The following IMPG1 variants were observed in gnomAD, a reference collection of about 807,000 sequenced individuals.
The protein encoded by IMPG1 is interphotoreceptor matrix proteoglycan 1, also known as interphotoreceptor matrix proteoglycan of 150 kDa.
IMPG1 carries 85 observed loss-of-function variants against 92.0 expected under a neutral mutation model. The ratio of observed to expected loss-of-function variants is 0.92; its 90% CI spans 0.78 to 1.11. IMPG1 has a LOEUF of 1.11. Among genes scored for constraint, IMPG1 ranks in the 50% least tolerant of loss-of-function variants. IMPG1 has a pLI of 0.00. For synonymous variants in IMPG1, 367 were observed against 334.1 expected (o/e 1.10, Z -1.08); for missense variants, 1,022 against 956.0 (o/e 1.07, Z -0.91).
At chr6:75,992,390 T>G (rs922431826) in intron 12 of IMPG1, among the ~76,000 whole-genome samples, 1 of 152,250 alleles carries the variant, frequency 6.6e-6, no homozygotes, top group African/African-American at 2.4e-5. Flanking sequence ...TTTGGTGTCT[T>G]GTGTATAACA....
At chr6:75,937,587 A>G (rs1476317406) in intron 14 of IMPG1, among the ~76,000 whole-genome samples, 1 of 152,216 alleles carries the variant, frequency 6.6e-6, no homozygotes, top group Non-Finnish European at 1.5e-5. Flanking sequence ...GTGGGGGGAA[A>G]TAATATCTAC....
At chr6:76,053,049 G>A (rs1052240361) in intron 1 of IMPG1, among the ~76,000 whole-genome samples, 2 of 152,092 alleles carry the variant, frequency 1.3e-5, no homozygotes, top group African/African-American at 4.8e-5. Flanking sequence ...GGCTGATTAA[G>A]CCACTCCTAA....
rs1283034743 is a variant in IMPG1 at position 75,931,056 on chromosome 6, G to T, written c.2140C>A (p.Pro714Thr). 6.2e-7 allele frequency: 1 copy of T among 1,614,006 alleles called. No homozygotes were observed. Among genetic ancestry groups the T allele is most frequent in the Non-Finnish European group, 8.5e-7 (1 of 1,180,038 alleles). Residue 714 changes from proline to threonine, a missense_variant, in exon 15 of 17, where the codon CCA becomes ACA. This residue lies in a region of IMPG1 where 332 missense variants were observed against 346.2 expected (regional missense o/e 0.96). Transcript: ENST00000369950. ...RTEEAECRCK[P>T]GYDSQGSLDG... The stretch of plus-strand genomic sequence containing the variant: ...AGGCTCCCCTGGCTGTCATATCCTG[G>T]TTTGCAGCGACACTCCGCTTCCTCA...
chr6:75,952,516 G>A (rs1782049822), intron 12 of IMPG1, among the ~76,000 whole-genome samples: 1 of 152,026 alleles, frequency 6.6e-6, no homozygotes, highest in South Asian at 2.1e-4. Flanking sequence ...ACCTGGGGAG[G>A]GTACCTGCGT....
At chr6:75,975,369 T>G (rs537051724) in intron 12 of IMPG1, among the ~76,000 whole-genome samples, 1 of 152,368 alleles carries the variant, frequency 6.6e-6, no homozygotes, top group East Asian at 1.9e-4. Context: ...ATTAATGTAG[T>G]TTAGTTTGTC....
Position 76,041,995 on chromosome 6 carries a change from G to T in IMPG1, c.199C>A (p.Arg67=). ...GGGAAAAATGCGGATCTTTTTGTTCGATGCTTTGCCAAATCGAATATTCGT... is the reference window on the plus strand; with the variant it reads ...GGGAAAAATGCGGATCTTTTTGTTCTATGCTTTGCCAAATCGAATATTCGT... The part of the protein sequence containing the change: ...MRRIFDLAKH[R]TKRSAFFPTG... Residue 67 remains arginine (R), a synonymous_variant, in exon 2 of 17, where the codon CGA becomes AGA. Transcript: ENST00000369950. The T allele has an allele frequency of 2.5e-6, 4 of 1,613,758 alleles. No homozygotes were observed. The highest frequency in any genetic ancestry group is 3.4e-6 in the Non-Finnish European group (4 of 1,179,726).
intron 12 of IMPG1, among the ~76,000 whole-genome samples, chr6:75,973,696 C>G (rs1782458721): frequency 6.6e-6 from 1 of 152,210 alleles, no homozygotes; most frequent in African/African-American, 2.4e-5. Context: ...CCAGAATTTA[C>G]TTCACTACAC....
At chr6:75,986,844 A>T (rs1458711232) in intron 12 of IMPG1, among the ~76,000 whole-genome samples, 1 of 151,396 alleles carries the variant, frequency 6.6e-6, no homozygotes, top group African/African-American at 2.4e-5. Context: ...AAACAAATAA[A>T]ACAGGCAGTC....
In IMPG1 at chr6:75,933,538, C is replaced by A. The variant is rs185749076; in HGVS notation, c.2045-2387G>T. Among the ~76,000 whole-genome samples, 501 of 152,340 alleles carry A rather than the reference C, an allele frequency of 3.3e-3. 1 individual carries two copies. Among genetic ancestry groups the A allele is most frequent in the Non-Finnish European group, 4.0e-3 (270 of 68,034 alleles). On this transcript the variant is annotated intron_variant, in intron 14 of 16. Coordinates refer to ENST00000369950, the MANE Select transcript of IMPG1 (RefSeq NM_001563.4). ...CACAGCATATTTGACAGTCTCTCCA[C>A]AGAGACAGTCCAGGGCACTTGACCT...
chr6:75,962,931 C>T (rs973142643), intron 12 of IMPG1, among the ~76,000 whole-genome samples: 1 of 151,498 alleles, frequency 6.6e-6, no homozygotes, highest in Non-Finnish European at 1.5e-5. Flanking sequence ...GTCCCAGCTA[C>T]GTGGGAGGCT....
chr6:76,066,316 C>T (rs1457176792), intron 1 of IMPG1, among the ~76,000 whole-genome samples: 1 of 151,784 alleles, frequency 6.6e-6, no homozygotes, highest in Non-Finnish European at 1.5e-5. Context: ...TGATGTGCTG[C>T]TTATAAAAAA....
intron 1 of IMPG1, among the ~76,000 whole-genome samples, chr6:76,058,498 A>G (rs1784155759): frequency 6.6e-6 from 1 of 152,200 alleles, no homozygotes; most frequent in Non-Finnish European, 1.5e-5. Flanking sequence ...TTTATAGGCA[A>G]GAAAACCATA....
chr6:75,970,332 CTT>C (rs945591015), intron 12 of IMPG1, among the ~76,000 whole-genome samples: 2 of 144,252 alleles, frequency 1.4e-5, no homozygotes, highest in Non-Finnish European at 1.5e-5. Flanking sequence ...ATTCAAACTT[CTT>C]TTTTTTTTTT....
At chr6:75,988,859 G>A (rs569378695) in intron 12 of IMPG1, among the ~76,000 whole-genome samples, 2 of 152,234 alleles carry the variant, frequency 1.3e-5, no homozygotes, top group African/African-American at 2.4e-5. Flanking sequence ...TGATGTTTGT[G>A]TCTTTTATGG....
At chr6:75,974,153 CA>C (rs1282268651) in intron 12 of IMPG1, among the ~76,000 whole-genome samples, 4 of 152,120 alleles carry the variant, frequency 2.6e-5, no homozygotes, top group African/African-American at 9.7e-5. Context: ...TAAGATAATG[CA>C]AACATTTTAG....
intron 7 of IMPG1, among the ~76,000 whole-genome samples, chr6:76,016,273 C>T (rs937177159): frequency 6.6e-6 from 1 of 152,204 alleles, no homozygotes. Context: ...TTTTAAAAAT[C>T]CCAATATATT....
chr6:75,933,796 A>C (rs1483978033), intron 14 of IMPG1, among the ~76,000 whole-genome samples: 1 of 152,216 alleles, frequency 6.6e-6, no homozygotes, highest in East Asian at 1.9e-4. Flanking sequence ...CAGGGAGCTC[A>C]CACTTATCAA....
chr6:75,947,233 T>C (rs1781940980), intron 14 of IMPG1, 81 bp downstream of exon 14: 2 of 1,103,642 alleles, frequency 1.8e-6, no homozygotes, highest in Non-Finnish European at 1.3e-6. Flanking sequence ...GCCTAAAGAT[T>C]GAAACGTGTG....
intron 12 of IMPG1, among the ~76,000 whole-genome samples, chr6:75,969,716 G>C (rs1334402251): frequency 1.3e-5 from 2 of 151,740 alleles, no homozygotes; most frequent in African/African-American, 4.8e-5. Flanking sequence ...CTGGGTGACA[G>C]AGACTCCATC....
Sources: gnomAD v4.1 joint callset for allele counts (sites outside exome capture counted in the v4.1 genomes callset) on GRCh38, gnomAD v4.1.1 for gene constraint, gnomAD v4.1.1 regional missense constraint, MANE v1.5 for transcripts, NCBI Gene and HGNC (gene_info 2026-07-23, HGNC 2026-07-21) for gene names.